VPS13B: variants seen among roughly 807,000 people sequenced by gnomAD.
VPS13B encodes the protein intermembrane lipid transfer protein VPS13B.
VPS13B carries 285 observed loss-of-function variants against 426.4 expected under a neutral mutation model. The ratio of observed to expected loss-of-function variants is 0.67; its 90% CI spans 0.61 to 0.74. The LOEUF is 0.74. Ranked by LOEUF, VPS13B falls within the 30% of genes least tolerant of loss-of-function variation. VPS13B has a pLI of 0.00. For missense variants in VPS13B, 4,537 were observed against 4,782.6 expected, an observed-to-expected ratio of 0.95 and a Z score of 1.51; for synonymous variants, 1,676 against 1,676.4, an observed-to-expected ratio of 1.00 and a Z score of 0.01.
intron 17 of VPS13B, among the ~76,000 whole-genome samples, chr8:99,229,237 C>T (rs1429305801): frequency 6.6e-6 from 1 of 152,194 alleles, no homozygotes; most frequent in East Asian, 1.9e-4. Flanking sequence ...ACCTCTGGAA[C>T]AAAGGTTGTT....
At chr8:99,615,967 T>G (rs1039573754) in intron 33 of VPS13B, among the ~76,000 whole-genome samples, 1 of 152,150 alleles carries the variant, frequency 6.6e-6, no homozygotes, top group African/African-American at 2.4e-5. Context: ...GGTAGGTGTT[T>G]TCTAAACCTA....
intron 29 of VPS13B, among the ~76,000 whole-genome samples, chr8:99,516,130 C>T (rs1822055923): frequency 6.6e-6 from 1 of 152,108 alleles, no homozygotes; most frequent in Non-Finnish European, 1.5e-5. Context: ...GATTTTGACA[C>T]ATTATGTTAG....
intron 19 of VPS13B, among the ~76,000 whole-genome samples, chr8:99,284,404 G>T (rs1819325313): frequency 6.6e-6 from 1 of 152,074 alleles, no homozygotes; most frequent in Non-Finnish European, 1.5e-5. Flanking sequence ...ATGCATCAAA[G>T]TCTCTACAGT....
rs565737884 is a variant in VPS13B at position 99,372,153 on chromosome 8, A to G, written c.2825-12055A>G. ...GTAGTCCCAGCTACTCGGGAGGCTG[A>G]GGCAGGAGAATGGCGTGAACCCCAG... On this transcript the variant is annotated intron_variant, in intron 19 of 61. Coordinates refer to ENST00000357162, the MANE Select transcript of VPS13B (RefSeq NM_152564.5). Among the ~76,000 whole-genome samples the G allele has an allele frequency of 6.0e-3, 912 of 151,140 alleles. 12 individuals are homozygous for G. Among genetic ancestry groups the G allele is most frequent in the African/African-American group, 0.021 (867 of 41,242 alleles).
chr8:99,410,311 C>G (rs144289673), intron 21 of VPS13B, among the ~76,000 whole-genome samples: 1 of 152,152 alleles, frequency 6.6e-6, no homozygotes, highest in Non-Finnish European at 1.5e-5. Flanking sequence ...CTGGCCTTAC[C>G]TCTAGTATAC....
At chr8:99,686,694 A>G (rs1016603374) in intron 35 of VPS13B, among the ~76,000 whole-genome samples, 1 of 151,936 alleles carries the variant, frequency 6.6e-6, no homozygotes, top group African/African-American at 2.4e-5. Flanking sequence ...ACAAGGTCCA[A>G]GGGCTCTTCA....
intron 21 of VPS13B, among the ~76,000 whole-genome samples, chr8:99,421,232 ATATGTTATTT>A (rs1816353912): frequency 6.6e-6 from 1 of 152,154 alleles, no homozygotes; most frequent in African/African-American, 2.4e-5. Context: ...ATAATTGTTG[ATATGTTATTT>A]TAACCACTGA....
At chr8:99,323,084 GC>G (rs1211296681) in intron 19 of VPS13B, among the ~76,000 whole-genome samples, 23 of 152,324 alleles carry the variant, frequency 1.5e-4, no homozygotes, top group Non-Finnish European at 2.8e-4. Flanking sequence ...GGGTAGACAG[GC>G]TTGGCCAGTT....
Position 99,147,952 on chromosome 8 carries a change from T to C in VPS13B, c.1955T>C (p.Ile652Thr), listed in dbSNP as rs1810831431. 6.2e-7 allele frequency: 1 copy of C among 1,613,804 alleles called. No homozygotes were observed. ...SVTLLKCTCT[I>T]SMAEFNLLDH... Reference sequence around the variant, plus strand: ...ACTCTCCTCAAATGTACCTGCACAATTTCCATGGCTGAATTCAACTTGCTG... The same window carrying C: ...ACTCTCCTCAAATGTACCTGCACAACTTCCATGGCTGAATTCAACTTGCTG... The change falls in exon 14 of 62, where the codon ATT becomes ACT. Residue 652 changes from isoleucine (I) to threonine (T), a missense_variant. By Grantham distance (89) the Ile-to-Thr change is moderately conservative. This residue lies in a region of VPS13B where 4,311 missense variants were observed against 4,474.3 expected (regional missense o/e 0.96). Coordinates refer to ENST00000357162, the MANE Select transcript of VPS13B (RefSeq NM_152564.5).
At chr8:99,662,428 AATTTT>A (rs1275626668) in intron 35 of VPS13B, among the ~76,000 whole-genome samples, 1 of 149,058 alleles carries the variant, frequency 6.7e-6, no homozygotes, top group African/African-American at 2.4e-5. Context: ...CTTCCTTAAG[AATTTT>A]ATTTAATTTT....
At chr8:99,605,219 C>G (rs932830939) in intron 33 of VPS13B, among the ~76,000 whole-genome samples, 2 of 152,094 alleles carry the variant, frequency 1.3e-5, no homozygotes, top group Non-Finnish European at 2.9e-5. Flanking sequence ...AAATAAATGC[C>G]TATTTGTTGA....
At chr8:99,836,051 T>A (rs1359701826) in intron 54 of VPS13B, among the ~76,000 whole-genome samples, 1 of 152,214 alleles carries the variant, frequency 6.6e-6, no homozygotes, top group Non-Finnish European at 1.5e-5. Flanking sequence ...AGTTCAGCTG[T>A]ACAGATTTTA....
At chr8:99,210,749 G>T (rs573929969) in intron 17 of VPS13B, among the ~76,000 whole-genome samples, 127 of 152,106 alleles carry the variant, frequency 8.3e-4, no homozygotes, top group Non-Finnish European at 1.5e-3. Flanking sequence ...GGGACCACAA[G>T]TGCCCACCAG....
intron 30 of VPS13B, among the ~76,000 whole-genome samples, chr8:99,534,640 G>GTTCTCTTGTCTTT (rs1823101419): frequency 6.6e-6 from 1 of 152,120 alleles, no homozygotes; most frequent in African/African-American, 2.4e-5. Flanking sequence ...AGACAAGTGA[G>GTTCTCTTGTCTTT]AGAAAGCATA....
chr8:99,845,763 A>C (rs1010376856), intron 54 of VPS13B, among the ~76,000 whole-genome samples: 2 of 152,156 alleles, frequency 1.3e-5, no homozygotes, highest in East Asian at 3.9e-4. Flanking sequence ...ATATTTTTTT[A>C]AGGTCTGGAT....
At chr8:99,679,815 T>C (rs1365183873) in intron 35 of VPS13B, among the ~76,000 whole-genome samples, 1 of 152,204 alleles carries the variant, frequency 6.6e-6, no homozygotes, top group Non-Finnish European at 1.5e-5. Context: ...TCCACTGTCA[T>C]CATGAATACC....
chr8:99,594,248 G>A (rs1429440360), intron 33 of VPS13B, among the ~76,000 whole-genome samples: 17 of 151,842 alleles, frequency 1.1e-4, no homozygotes, highest in Non-Finnish European at 2.1e-4. Context: ...TTGGAGTCCG[G>A]CAATAAATCC....
intron 25 of VPS13B, among the ~76,000 whole-genome samples, chr8:99,501,187 T>C (rs1821214998): frequency 6.6e-6 from 1 of 152,244 alleles, no homozygotes; most frequent in Non-Finnish European, 1.5e-5. Flanking sequence ...TTATAAATAC[T>C]CTATAGAAGG....
At chr8:99,674,341 T>C (rs1245646320) in intron 35 of VPS13B, among the ~76,000 whole-genome samples, 3 of 152,120 alleles carry the variant, frequency 2.0e-5, no homozygotes, top group Non-Finnish European at 2.9e-5. Flanking sequence ...ATATAGGACT[T>C]GCATTATCTC....
Sources: gnomAD v4.1 joint callset for allele counts (sites outside exome capture counted in the v4.1 genomes callset) on GRCh38, gnomAD v4.1.1 for gene constraint, gnomAD v4.1.1 regional missense constraint, MANE v1.5 for transcripts, NCBI Gene and HGNC (gene_info 2026-07-23, HGNC 2026-07-21) for gene names.